Variants in OR4A5 observed in about 807,000 individuals in gnomAD.
OR4A5 encodes the protein olfactory receptor 4A5.
For synonymous variants in OR4A5, 245 were observed against 138.5 expected (o/e 1.77, Z -5.40); for missense variants, 684 against 381.6 (o/e 1.79, Z -6.60).
Position 54,706,835 on chromosome 11 carries a change from C to G in OR4A5, c.-50C>G. The G allele has an allele frequency of 8.7e-7, 1 of 1,155,728 alleles. No individual in the cohort carries two copies. The highest frequency in any genetic ancestry group is 2.2e-4 in the Middle Eastern group (1 of 4,562). The allele number at this position is 1,155,728 out of a possible 1,614,324, so 71.6% of individuals were successfully genotyped here. A position where few individuals can be genotyped will look rare whatever the true frequency, so the allele number is the denominator to read the frequency against. ...TTCCTGATCACTATTTCGTTACAGG[C>G]CCTGTTTCCCTGAGCTCTCACCTCT... is the stretch of plus-strand genomic sequence containing the variant. On this transcript the variant is annotated 5_prime_UTR_variant, in exon 1 of 1. Coordinates refer to ENST00000319760, the MANE Select transcript of OR4A5 (RefSeq NM_001005272.3).
chr11:54,707,460 A>G lies in OR4A5; in HGVS notation c.576A>G (p.Ile192Met), dbSNP rs191566970. 4.1e-5 allele frequency: 66 copies of G among 1,613,462 alleles called. No homozygotes were observed. In the East Asian group the frequency reaches 8.5e-4, roughly 21 times the overall value. ...LELACTDTYF[I>M]GLTVVVNSGA... ...TGGCATGCACTGACACCTACTTTAT[A>G]GGCCTCACTGTTGTTGTCAATAGTG... The change falls in exon 1 of 1, where the codon ATA becomes ATG. Residue 192 changes from isoleucine to methionine, a missense_variant. Physicochemically the swap from Ile to Met is conservative, Grantham distance 10. Transcript: ENST00000319760.
Position 54,707,132 on chromosome 11 carries a change from T to A in OR4A5, c.248T>A (p.Leu83Ter). Residue 83 changes from leucine (L) to a stop codon, truncating the protein, a stop_gained, in exon 1 of 1, where the codon TTA becomes TAA. Transcript: ENST00000319760. LOFTEE classifies it low-confidence loss of function (END_TRUNC). ...ATTTCTCCCAAGTTAATTGTAGGCT[T>A]ATTCTGTGATAAAAAGACTATTTCC... ...TTISPKLIVG[L>*]FCDKKTISFQ... The A allele has an allele frequency of 1.9e-6, 3 of 1,613,682 alleles. No homozygotes were observed. The highest frequency in any genetic ancestry group is 2.5e-6 in the Non-Finnish European group (3 of 1,179,872).
Position 54,707,043 on chromosome 11 carries a change from G to T in OR4A5, c.159G>T (p.Leu53Phe), listed in dbSNP as rs1223486891. The change falls in exon 1 of 1, where the codon TTG becomes TTT. Residue 53 changes from leucine to phenylalanine, a missense_variant. Coordinates refer to ENST00000319760, the MANE Select transcript of OR4A5 (RefSeq NM_001005272.3). ...TGGATATTATTGCCAGCCCTTCCTTGGGTTCCCCAATGTATTTCTTCCTTG... is the reference window on the plus strand; with the variant it reads ...TGGATATTATTGCCAGCCCTTCCTTTGGTTCCCCAATGTATTTCTTCCTTG... ...IVVDIIASPS[L>F]GSPMYFFLAC... The T allele has an allele frequency of 6.2e-7, 1 of 1,613,646 alleles. No homozygotes were observed. The highest frequency in any genetic ancestry group is 1.3e-5 in the African/African-American group (1 of 75,012).
chr11:54,707,295 G>T lies in OR4A5; in HGVS notation c.411G>T (p.Gln137His), dbSNP rs761782520. ...PLHYLTIMNR[Q>H]VCFLLLVVAM... ...ACTATTTGACCATCATGAATCGACA[G>T]GTTTGCTTCCTTCTGTTGGTGGTGG... Residue 137 changes from glutamine (Q) to histidine (H), a missense_variant, in exon 1 of 1, where the codon CAG becomes CAT. Physicochemically the swap from Gln to His is conservative, Grantham distance 24. Coordinates refer to ENST00000319760, the MANE Select transcript of OR4A5 (RefSeq NM_001005272.3). 6.2e-7 allele frequency: 1 copy of T among 1,613,742 alleles called. No individual in the cohort carries two copies. Among genetic ancestry groups the T allele is most frequent in the Non-Finnish European group, 8.5e-7 (1 of 1,179,890 alleles).
rs1590457544 is a variant in OR4A5 at position 54,707,334 on chromosome 11, T to G, written c.450T>G (p.Gly150=). The G allele has an allele frequency of 6.2e-7, 1 of 1,613,674 alleles. No homozygotes were observed. The change falls in exon 1 of 1, where the codon GGT becomes GGG. Residue 150 remains glycine, a synonymous_variant. Transcript: ENST00000319760. ...FLLLVVAMIG[G]FVHSAFQIVV... is the part of the protein sequence containing the mutation. ...TGTTGGTGGTGGCCATGATTGGAGG[T>G]TTTGTACATTCTGCGTTTCAAATTG... is the stretch of plus-strand genomic sequence containing the variant.
Position 54,707,567 on chromosome 11 carries a change from A to G in OR4A5, c.683A>G (p.Glu228Gly), listed in dbSNP as rs1393689438. 2 of 1,613,564 alleles carry G rather than the reference A, an allele frequency of 1.2e-6. No individual in the cohort carries two copies. Among genetic ancestry groups the G allele is most frequent in the Middle Eastern group, 1.7e-4 (1 of 6,054 alleles). ...AGCTCCCTTAAAACTTACAGTCAGG[A>G]AAAGAGGGGTAAAGCCTTGTCTACC... The part of the protein sequence containing the change: ...ILSSLKTYSQ[E>G]KRGKALSTCS... Residue 228 changes from glutamate (E) to glycine (G), a missense_variant, in exon 1 of 1, where the codon GAA becomes GGA. Coordinates refer to ENST00000319760, the MANE Select transcript of OR4A5 (RefSeq NM_001005272.3).
rs113366921 is a variant in OR4A5 at position 54,706,834 on chromosome 11, G to A, written c.-51G>A. 1,528 of 1,144,812 alleles carry A rather than the reference G, an allele frequency of 1.3e-3. 15 individuals are homozygous for A. In the African/African-American group the frequency reaches 0.02, roughly 15 times the overall value. 70.9% of individuals were successfully genotyped at this position (1,144,812 alleles called of 1,614,324 possible). A position where few individuals can be genotyped will look rare whatever the true frequency, so the allele number is the denominator to read the frequency against. On this transcript the variant is annotated 5_prime_UTR_variant, in exon 1 of 1. Transcript: ENST00000319760. ...ATTCCTGATCACTATTTCGTTACAG[G>A]CCCTGTTTCCCTGAGCTCTCACCTC...
rs1485097047 is a variant in OR4A5, at chr11:54,707,451, C to G, written c.567C>G (p.Thr189=). The G allele has an allele frequency of 1.6e-5, 26 of 1,613,328 alleles. No homozygotes were observed. The highest frequency in any genetic ancestry group is 1.6e-4 in the Middle Eastern group (1 of 6,074). The change falls in exon 1 of 1, where the codon ACC becomes ACG. Residue 189 remains threonine (T), a synonymous_variant. Transcript: ENST00000319760. Reference sequence around the variant, plus strand: ...TACTGGAACTGGCATGCACTGACACCTACTTTATAGGCCTCACTGTTGTTG... The same window carrying G: ...TACTGGAACTGGCATGCACTGACACGTACTTTATAGGCCTCACTGTTGTTG... ...HPLLELACTD[T]YFIGLTVVVN...
Position 54,707,148 on chromosome 11 carries a change from G to T in OR4A5, c.264G>T (p.Lys88Asn), listed in dbSNP as rs1554957488. 12 of 1,613,658 alleles carry T rather than the reference G, an allele frequency of 7.4e-6. No individual in the cohort carries two copies. The highest frequency in any genetic ancestry group is 1.7e-4 in the Middle Eastern group (1 of 6,058). The change falls in exon 1 of 1, where the codon AAG (lysine) becomes AAT (asparagine). Residue 88 changes from lysine (K) to asparagine (N), a missense_variant. Physicochemically the swap from Lys to Asn is moderately conservative, Grantham distance 94. Coordinates refer to ENST00000319760, the MANE Select transcript of OR4A5 (RefSeq NM_001005272.3). The part of the protein sequence containing the change: ...KLIVGLFCDK[K>N]TISFQGCMGQ... ...TTGTAGGCTTATTCTGTGATAAAAA[G>T]ACTATTTCCTTCCAAGGTTGCATGG...
In OR4A5 at chr11:54,707,877, T is replaced by C. The variant is rs760124340; in HGVS notation, c.*45T>C. On this transcript the variant is annotated 3_prime_UTR_variant, in exon 1 of 1. Coordinates refer to ENST00000319760, the MANE Select transcript of OR4A5 (RefSeq NM_001005272.3). ...AGGTCTTCCCAGTGAAGTTTTCAGG[T>C]TTCTAAGGGCAAGTCAAGGATCCCA... 3 of 873,282 alleles carry C rather than the reference T, an allele frequency of 3.4e-6. No individual in the cohort carries two copies. Among genetic ancestry groups the C allele is most frequent in the Non-Finnish European group, 5.2e-6 (3 of 575,832 alleles). The allele number at this position is 873,282 out of a possible 1,614,324, so 54.1% of individuals were successfully genotyped here. A position where few individuals can be genotyped will look rare whatever the true frequency, so the allele number is the denominator to read the frequency against.
chr11:54,707,329 G>A lies in OR4A5; in HGVS notation c.445G>A (p.Gly149Arg), dbSNP rs988516931. Residue 149 changes from glycine to arginine, a missense_variant, in exon 1 of 1, where the codon GGA becomes AGA. Transcript: ENST00000319760. ...CCTTCTGTTGGTGGTGGCCATGATT[G>A]GAGGTTTTGTACATTCTGCGTTTCA... The part of the protein sequence containing the change: ...CFLLLVVAMI[G>R]GFVHSAFQIV... 9 of 1,613,634 alleles carry A rather than the reference G, an allele frequency of 5.6e-6. No homozygotes were observed. The Admixed American group carries it at 1.2e-4, about 21-fold the overall frequency.
At position 54,707,725 on chromosome 11, in the gene OR4A5, C is replaced by T; in HGVS notation, c.841C>T (p.Pro281Ser). ...TACCATTATCACACACATGCTGAGT[C>T]CTTTAATATATACGTTGAGAAATTC... ...FYTIITHMLSPLIYTLRNSEM... is the reference protein window; with the variant it reads ...FYTIITHMLSSLIYTLRNSEM... Residue 281 changes from proline to serine, a missense_variant, in exon 1 of 1, where the codon CCT becomes TCT. Coordinates refer to ENST00000319760, the MANE Select transcript of OR4A5 (RefSeq NM_001005272.3). 1.9e-6 allele frequency: 3 copies of T among 1,598,810 alleles called. No individual in the cohort carries two copies. Among genetic ancestry groups the T allele is most frequent in the Non-Finnish European group, 1.7e-6 (2 of 1,167,640 alleles).
chr11:54,707,666 A>G lies in OR4A5; in HGVS notation c.782A>G (p.Asn261Ser), dbSNP rs777872176. 30 of 1,611,700 alleles carry G rather than the reference A, an allele frequency of 1.9e-5. No homozygotes were observed. Among genetic ancestry groups the G allele is most frequent in the Non-Finnish European group, 2.4e-5 (28 of 1,178,936 alleles). The stretch of plus-strand genomic sequence containing the variant: ...TTCATATATGTTAGACCTGTTTCAA[A>G]CTTTCCTACTGATAAGTTCATGACT... ...CIFIYVRPVS[N>S]FPTDKFMTVF... The change falls in exon 1 of 1, where the codon AAC (asparagine) becomes AGC (serine). Residue 261 changes from asparagine to serine, a missense_variant. Physicochemically the swap from Asn to Ser is conservative, Grantham distance 46. Coordinates refer to ENST00000319760, the MANE Select transcript of OR4A5 (RefSeq NM_001005272.3).
In OR4A5 at chr11:54,707,468, CTGT is replaced by C; in HGVS notation, c.591_593del (p.Val198del). ...ACTGACACCTACTTTATAGGCCTCA[CTGT>C]TGTTGTCAATAGTGGAGCAATCTGT... On this transcript the variant is annotated inframe_deletion, in exon 1 of 1. Coordinates refer to ENST00000319760, the MANE Select transcript of OR4A5 (RefSeq NM_001005272.3). The C allele has an allele frequency of 6.2e-7, 1 of 1,613,532 alleles. No homozygotes were observed. Among genetic ancestry groups the C allele is most frequent in the Non-Finnish European group, 8.5e-7 (1 of 1,179,798 alleles).
At position 54,707,674 on chromosome 11, in the gene OR4A5, A is replaced by G. The variant is rs756097226; in HGVS notation, c.790A>G (p.Thr264Ala). 74 of 1,611,120 alleles carry G rather than the reference A, an allele frequency of 4.6e-5. 2 individuals carry two copies. The East Asian group carries it at 1.5e-3, about 32-fold the overall frequency. ...TGTTAGACCTGTTTCAAACTTTCCT[A>G]CTGATAAGTTCATGACTGTGTTTTA... ...IYVRPVSNFP[T>A]DKFMTVFYTI... Residue 264 changes from threonine (T) to alanine (A), a missense_variant, in exon 1 of 1, where the codon ACT becomes GCT. Physicochemically the swap from Thr to Ala is moderately conservative, Grantham distance 58. Coordinates refer to ENST00000319760, the MANE Select transcript of OR4A5 (RefSeq NM_001005272.3).
Position 54,707,717 on chromosome 11 carries a change from T to A in OR4A5, c.833T>A (p.Met278Lys), listed in dbSNP as rs773903183. 2.5e-6 allele frequency: 4 copies of A among 1,601,132 alleles called. No individual in the cohort carries two copies. Among genetic ancestry groups the A allele is most frequent in the Non-Finnish European group, 3.4e-6 (4 of 1,169,110 alleles). Residue 278 changes from methionine (M) to lysine (K), a missense_variant, in exon 1 of 1, where the codon ATG (methionine) becomes AAG (lysine). Met to Lys is a moderately conservative substitution (Grantham distance 95). Coordinates refer to ENST00000319760, the MANE Select transcript of OR4A5 (RefSeq NM_001005272.3). The part of the protein sequence containing the change: ...MTVFYTIITH[M>K]LSPLIYTLRN... ...GTGTTTTATACCATTATCACACACA[T>A]GCTGAGTCCTTTAATATATACGTTG...
Position 54,707,340 on chromosome 11 carries a change from A to G in OR4A5, c.456A>G (p.Val152=), listed in dbSNP as rs1387668928. Residue 152 remains valine, a synonymous_variant, in exon 1 of 1, where the codon GTA becomes GTG. Coordinates refer to ENST00000319760, the MANE Select transcript of OR4A5 (RefSeq NM_001005272.3). Reference sequence around the variant, plus strand: ...TGGTGGCCATGATTGGAGGTTTTGTACATTCTGCGTTTCAAATTGTTGTGT... The same window carrying G: ...TGGTGGCCATGATTGGAGGTTTTGTGCATTCTGCGTTTCAAATTGTTGTGT... The part of the protein sequence containing the change: ...LLVVAMIGGF[V]HSAFQIVVYS... The G allele has an allele frequency of 1.2e-6, 2 of 1,613,476 alleles. No individual in the cohort carries two copies. The highest frequency in any genetic ancestry group is 1.1e-5 in the South Asian group (1 of 91,080).
In OR4A5 at chr11:54,707,699, AT is replaced by A; in HGVS notation, c.816del (p.Tyr272Ter). The A allele has an allele frequency of 1.2e-6, 2 of 1,606,752 alleles. No homozygotes were observed. The highest frequency in any genetic ancestry group is 1.7e-6 in the Non-Finnish European group (2 of 1,173,888). On this transcript the variant is annotated frameshift_variant, in exon 1 of 1. Transcript: ENST00000319760. LOFTEE classifies it low-confidence loss of function (END_TRUNC). ...ACTGATAAGTTCATGACTGTGTTTT[AT>A]ACCATTATCACACACATGCTGAGTC... Reference protein sequence around the residue: ...FPTDKFMTVFYTIITHMLSPL... With the variant: ...FPTDKFMTVFXTIITHMLSPL...
In OR4A5 at chr11:54,707,538, C is replaced by T. The variant is rs750389566; in HGVS notation, c.654C>T (p.Ile218=). 48 of 1,613,540 alleles carry T rather than the reference C, an allele frequency of 3.0e-5. 2 individuals are homozygous for T. The South Asian group carries it at 5.2e-4, about 17-fold the overall frequency. The change falls in exon 1 of 1, where the codon ATC becomes ATT. Residue 218 remains isoleucine, a synonymous_variant. Coordinates refer to ENST00000319760, the MANE Select transcript of OR4A5 (RefSeq NM_001005272.3). ...FNLLLISYGV[I]LSSLKTYSQE... The stretch of plus-strand genomic sequence containing the variant: ...TTCTGTTAATCTCCTATGGAGTCAT[C>T]CTAAGCTCCCTTAAAACTTACAGTC...
Sources: allele counts gnomAD v4.1 joint callset, GRCh38; gene constraint gnomAD v4.1.1; transcripts MANE v1.5; gene names NCBI Gene and HGNC (gene_info 2026-07-23, HGNC 2026-07-21).